MAST4: variants seen among roughly 807,000 people sequenced by gnomAD.
MAST4 encodes microtubule-associated serine/threonine-protein kinase 4.
In MAST4, 89 loss-of-function variants were observed where a neutral mutation model predicts 162.7. The ratio of observed to expected loss-of-function variants is 0.55; its 90% confidence interval spans 0.46 to 0.65. MAST4 has a LOEUF of 0.65. MAST4 is among the 30% of genes least tolerant of loss of function. The pLI, the probability that MAST4 is intolerant of heterozygous loss-of-function variation, is 0.00. For synonymous variants in MAST4, 1,479 were observed against 1,361.1 expected (o/e 1.09, Z -1.91); for missense variants, 3,153 against 3,374.0 (o/e 0.93, Z 1.62).
rs1036757951 is a variant in MAST4, at chr5:66,700,411, C to T, written c.364-59298C>T. On this transcript the variant is annotated intron_variant, in intron 1 of 28. Transcript: ENST00000403625. ...AAGCCTTAAATTTTGATATGATACACTTAAATGTTTTGAATTTTATATTAA... is the reference window on the plus strand; with the variant it reads ...AAGCCTTAAATTTTGATATGATACATTTAAATGTTTTGAATTTTATATTAA... Among the ~76,000 whole-genome samples, 22 of 151,884 alleles carry T rather than the reference C, an allele frequency of 1.4e-4. 1 individual carries two copies. The highest frequency in any genetic ancestry group is 2.9e-5 in the Non-Finnish European group (2 of 68,004).
intron 4 of MAST4, among the ~76,000 whole-genome samples, chr5:66,933,898 C>T (rs1742437616): frequency 6.6e-6 from 1 of 151,880 alleles, no homozygotes; most frequent in Non-Finnish European, 1.5e-5. Flanking sequence ...TGCTGTGTTG[C>T]CCTGGGTGGT....
intron 3 of MAST4, among the ~76,000 whole-genome samples, chr5:66,856,516 G>A (rs1263659513): frequency 1.3e-5 from 2 of 152,228 alleles, no homozygotes; most frequent in Admixed American, 6.5e-5. Context: ...AGAAAGAAAA[G>A]TGAGATATTG....
intron 4 of MAST4, among the ~76,000 whole-genome samples, chr5:67,003,690 T>C (rs779056344): frequency 5.9e-5 from 9 of 152,224 alleles, no homozygotes; most frequent in Non-Finnish European, 1.2e-4. Flanking sequence ...GGGAGATATT[T>C]AAATACCATG....
intron 4 of MAST4, among the ~76,000 whole-genome samples, chr5:66,916,209 A>G (rs1015368185): frequency 2.0e-5 from 3 of 152,254 alleles, no homozygotes; most frequent in Non-Finnish European, 2.9e-5. Flanking sequence ...TTTAAATTGT[A>G]TAAGTGGCTC....
rs576166780 is a variant in MAST4 at position 67,168,348 on chromosome 5, A to G, written c.*1297A>G. ...TTTGTATGCAAAAAATACTGTCTTA[A>G]TACAGAGCAGCATTTTTGTAACAAA... On this transcript the variant is annotated 3_prime_UTR_variant, in exon 29 of 29. Transcript: ENST00000403625. 1 of 152,286 alleles carries G rather than the reference A, an allele frequency of 6.6e-6. No homozygotes were observed. Among genetic ancestry groups the G allele is most frequent in the East Asian group, 1.9e-4 (1 of 5,188 alleles). 9.4% of individuals were successfully genotyped at this position (152,286 alleles called of 1,614,324 possible). A position where few individuals can be genotyped will look rare whatever the true frequency, so the allele number is the denominator to read the frequency against.
In MAST4 at chr5:67,164,460, T is replaced by G; in HGVS notation, c.5281T>G (p.Leu1761Val). The stretch of plus-strand genomic sequence containing the variant: ...CGTCTCTTTTGTTCCCCTCAAGGCC[T>G]TAACAGGCCGGGTGGACAGTGGAAC... ...SAVSFVPLKA[L>V]TGRVDSGTEK... The change falls in exon 29 of 29, where the codon TTA becomes GTA. Residue 1761 changes from leucine (L) to valine (V), a missense_variant. Transcript: ENST00000403625. This position sits in a 1 kb window ranked among gnomAD's most constrained non-coding sequence, Gnocchi z 5.3. 6.2e-7 allele frequency: 1 copy of G among 1,614,026 alleles called. No homozygotes were observed. Among genetic ancestry groups the G allele is most frequent in the Non-Finnish European group, 8.5e-7 (1 of 1,179,902 alleles).
chr5:66,928,081 C>A (rs907953178), intron 4 of MAST4, among the ~76,000 whole-genome samples: 12 of 152,312 alleles, frequency 7.9e-5, no homozygotes, highest in African/African-American at 2.6e-4. Flanking sequence ...CTCCATCTGA[C>A]CTTGATCATC....
chr5:66,709,569 G>A (rs1008397704), intron 1 of MAST4, among the ~76,000 whole-genome samples: 2 of 152,014 alleles, frequency 1.3e-5, no homozygotes, highest in South Asian at 2.1e-4. Context: ...CTCCCATCTC[G>A]GCCTCCCAAA....
intron 3 of MAST4, among the ~76,000 whole-genome samples, chr5:66,876,084 T>C (rs1761280855): frequency 6.6e-6 from 1 of 152,154 alleles, no homozygotes; most frequent in African/African-American, 2.4e-5. Context: ...TACTATACTT[T>C]TTAAAAAAAT....
At position 66,990,033 on chromosome 5, in the gene MAST4, TGTTG is replaced by T. The variant is rs1374404329; in HGVS notation, c.675-64370_675-64367del. On this transcript the variant is annotated intron_variant, in intron 4 of 28. Coordinates refer to ENST00000403625, the MANE Select transcript of MAST4 (RefSeq NM_001164664.2). ...GGATTGAGACTTAGAATTTGCCAGCTGTTGACAGATCTATGGAAGAGTCAGTGTG... is the reference window on the plus strand; with the variant it reads ...GGATTGAGACTTAGAATTTGCCAGCTACAGATCTATGGAAGAGTCAGTGTG... Among the ~76,000 whole-genome samples, 8 of 152,316 alleles carry T rather than the reference TGTTG, an allele frequency of 5.3e-5. No individual in the cohort carries two copies. The East Asian group carries it at 1.5e-3, about 29-fold the overall frequency.
chr5:67,071,535 G>A (rs1008079443), intron 5 of MAST4, among the ~76,000 whole-genome samples: 3 of 152,126 alleles, frequency 2.0e-5, no homozygotes, highest in African/African-American at 7.2e-5. Context: ...GGGGCGGGGT[G>A]TATCACCTGA....
At chr5:66,608,991 A>C (rs376585647) in intron 1 of MAST4, among the ~76,000 whole-genome samples, 2 of 152,076 alleles carry the variant, frequency 1.3e-5, no homozygotes, top group East Asian at 3.9e-4. Context: ...GGAATCACAA[A>C]GGATGGTTTT....
At chr5:66,914,604 G>A (rs1580858495) in intron 4 of MAST4, among the ~76,000 whole-genome samples, 1 of 152,112 alleles carries the variant, frequency 6.6e-6, no homozygotes, top group South Asian at 2.1e-4. Flanking sequence ...AGAGAACCAC[G>A]GGTCCAAAAT....
At chr5:66,944,038 A>G (rs956436300) in intron 4 of MAST4, among the ~76,000 whole-genome samples, 7 of 152,104 alleles carry the variant, frequency 4.6e-5, no homozygotes, top group African/African-American at 1.7e-4. Flanking sequence ...TTGATTTGTT[A>G]GAGTTGACGT....
At chr5:67,131,990 A>T (rs765729028) in intron 16 of MAST4, 39 bp downstream of exon 16, 42 of 1,589,154 alleles carry the variant, frequency 2.6e-5, no homozygotes, top group Non-Finnish European at 3.5e-5. Context: ...CTTTTGCCCA[A>T]TACAAAGTTC....
chr5:66,974,732 A>G (rs1344587582), intron 4 of MAST4, among the ~76,000 whole-genome samples: 1 of 152,242 alleles, frequency 6.6e-6, no homozygotes, highest in Non-Finnish European at 1.5e-5. Context: ...TGAGTAGAGT[A>G]AGGGTTTTAT....
At chr5:66,674,598 C>T (rs1747832206) in intron 1 of MAST4, among the ~76,000 whole-genome samples, 1 of 152,186 alleles carries the variant, frequency 6.6e-6, no homozygotes, top group South Asian at 2.1e-4. Flanking sequence ...TTCAGAGTCT[C>T]TCTTTTGGAT....
intron 4 of MAST4, among the ~76,000 whole-genome samples, chr5:66,910,431 C>T (rs1018569386): frequency 6.6e-6 from 1 of 152,134 alleles, no homozygotes; most frequent in African/African-American, 2.4e-5. Flanking sequence ...TCTCTTTACC[C>T]GGGTTGTGTG....
At chr5:66,630,396 AT>A (rs1331825166) in intron 1 of MAST4, among the ~76,000 whole-genome samples, 1 of 152,210 alleles carries the variant, frequency 6.6e-6, no homozygotes, top group Non-Finnish European at 1.5e-5. Context: ...ACAATGGGGA[AT>A]AGTTATAATT....
Sources: gnomAD v4.1 joint callset for allele counts (sites outside exome capture counted in the v4.1 genomes callset) on GRCh38, gnomAD v4.1.1 for gene constraint, Gnocchi (gnomAD v3.1) non-coding constraint, MANE v1.5 for transcripts, NCBI Gene and HGNC (gene_info 2026-07-23, HGNC 2026-07-21) for gene names.